RGL1: variants seen among roughly 807,000 people sequenced by gnomAD.
The protein encoded by RGL1 is ral guanine nucleotide dissociation stimulator-like 1.
A neutral mutation model predicts 95.2 loss-of-function variants in RGL1; 24 were observed. The observed-to-expected ratio is 0.25, with a 90% confidence interval of 0.18 to 0.35. The LOEUF is 0.35. RGL1 is among the 10% of genes least tolerant of loss of function. The probability of loss-of-function intolerance (pLI) is 1.00; values close to 1 mark genes in which losing one functional copy is unlikely to be tolerated. For missense variants in RGL1, 715 were observed against 936.3 expected (o/e 0.76, Z 3.08); for synonymous variants, 329 against 344.9 (o/e 0.95, Z 0.51).
chr1:183,730,704 C>T (rs1656580520), intron 1 of RGL1, among the ~76,000 whole-genome samples: 2 of 152,088 alleles, frequency 1.3e-5, no homozygotes, highest in South Asian at 4.1e-4. Context: ...ATCTAAACAA[C>T]TCTGGAGGTC....
intron 3 of RGL1, among the ~76,000 whole-genome samples, chr1:183,848,044 A>T (rs1464822545): frequency 6.6e-6 from 1 of 152,196 alleles, no homozygotes; most frequent in Non-Finnish European, 1.5e-5. Flanking sequence ...TGGATTTACT[A>T]TTTGCCACCC....
chr1:183,845,224 C>T (rs768240612), intron 2 of RGL1, among the ~76,000 whole-genome samples: 1 of 152,194 alleles, frequency 6.6e-6, no homozygotes, highest in Non-Finnish European at 1.5e-5. Flanking sequence ...GGCGATTGTT[C>T]GCATCACTTA....
intron 1 of RGL1, among the ~76,000 whole-genome samples, chr1:183,668,708 T>C (rs1652216358): frequency 6.6e-6 from 1 of 152,086 alleles, no homozygotes; most frequent in African/African-American, 2.4e-5. Flanking sequence ...TCTTGCTTGG[T>C]GTTCTCTGAG....
chr1:183,818,145 A>G (rs1196551359), intron 2 of RGL1, among the ~76,000 whole-genome samples: 1 of 152,208 alleles, frequency 6.6e-6, no homozygotes. Flanking sequence ...CTCTGATTTC[A>G]GTGCCCAACC....
At chr1:183,774,126 C>T (rs1558199383) in intron 2 of RGL1, among the ~76,000 whole-genome samples, 1 of 152,166 alleles carries the variant, frequency 6.6e-6, no homozygotes, top group East Asian at 1.9e-4. Context: ...CATATGAGGA[C>T]AAGTAATCCT....
At chr1:183,867,352 AAAG>A (rs57510850) in intron 4 of RGL1, among the ~76,000 whole-genome samples, 96,321 of 151,378 alleles carry the variant, frequency 0.64, 32,547 homozygotes, top group East Asian at 0.88. Flanking sequence ...GGAGGAGAAA[AAAG>A]AAGTTGTTGT....
At chr1:183,702,460 T>C (rs942294159) in intron 1 of RGL1, among the ~76,000 whole-genome samples, 2 of 152,260 alleles carry the variant, frequency 1.3e-5, no homozygotes, top group Admixed American at 6.5e-5. Flanking sequence ...TGCCATTTTA[T>C]ACCTAGTAGA....
chr1:183,875,512 C>G (rs1666440309), intron 4 of RGL1, among the ~76,000 whole-genome samples: 1 of 152,132 alleles, frequency 6.6e-6, no homozygotes, highest in South Asian at 2.1e-4. Flanking sequence ...TCTTTTATCT[C>G]TCAGCCAAGG....
At chr1:183,878,373 T>C (rs1666642006) in intron 4 of RGL1, among the ~76,000 whole-genome samples, 1 of 150,924 alleles carries the variant, frequency 6.6e-6, no homozygotes, top group African/African-American at 2.5e-5. Flanking sequence ...ATTTTCTGTA[T>C]TTTTTGTAGA....
chr1:183,793,942 G>C (rs1001022874), intron 2 of RGL1, among the ~76,000 whole-genome samples: 2 of 151,946 alleles, frequency 1.3e-5, no homozygotes, highest in African/African-American at 2.4e-5. Flanking sequence ...AAGGAAATTA[G>C]TATATCGAAG....
intron 2 of RGL1, among the ~76,000 whole-genome samples, chr1:183,760,801 C>T (rs1460241513): frequency 6.6e-6 from 1 of 152,118 alleles, no homozygotes; most frequent in African/African-American, 2.4e-5. Flanking sequence ...CCTGCTGCTA[C>T]TTTATCAACT....
intron 2 of RGL1, among the ~76,000 whole-genome samples, chr1:183,772,086 G>C (rs916486406): frequency 2.0e-5 from 3 of 152,192 alleles, no homozygotes; most frequent in Non-Finnish European, 2.9e-5. Flanking sequence ...CTCCCTTCTG[G>C]CTCCCCCATC....
intron 12 of RGL1, among the ~76,000 whole-genome samples, chr1:183,903,738 G>A (rs1572580261): frequency 1.3e-5 from 2 of 152,280 alleles, no homozygotes; most frequent in East Asian, 3.9e-4. Context: ...TCTCCAACTT[G>A]TAGGGCCAGA....
chr1:183,736,579 G>T (rs948555597), intron 1 of RGL1, among the ~76,000 whole-genome samples: 5 of 152,220 alleles, frequency 3.3e-5, no homozygotes, highest in Admixed American at 2.0e-4. Context: ...CTAGGTGGAA[G>T]AGTTGAAGAT....
intron 2 of RGL1, among the ~76,000 whole-genome samples, chr1:183,751,876 G>A (rs1040000985): frequency 7.2e-5 from 11 of 152,116 alleles, no homozygotes; most frequent in African/African-American, 2.2e-4. Context: ...TCCATGGGCT[G>A]TATTCACTGC....
chr1:183,906,994 C>T lies in RGL1; in HGVS notation c.1473-18C>T, dbSNP rs757460087. ...ATTCTCTAACTTTGACCTCATGGAG[C>T]CCCCTTCTCTTTCTCAGCTATGCCC... On this transcript the variant is annotated intron_variant, in intron 13 of 17. Coordinates refer to ENST00000360851, the MANE Select transcript of RGL1 (RefSeq NM_001297671.3). 4 of 1,467,782 alleles carry T rather than the reference C, an allele frequency of 2.7e-6. No homozygotes were observed. The highest frequency in any genetic ancestry group is 1.7e-5 in the Admixed American group (1 of 59,088). The allele number at this position is 1,467,782 out of a possible 1,614,324, so 90.9% of individuals were successfully genotyped here.
intron 2 of RGL1, among the ~76,000 whole-genome samples, chr1:183,794,212 T>G (rs542102883): frequency 6.6e-6 from 1 of 152,238 alleles, no homozygotes; most frequent in Non-Finnish European, 1.5e-5. Context: ...TTGCATGTTC[T>G]CACTCATGTG....
chr1:183,831,259 G>C (rs928130471), intron 2 of RGL1, among the ~76,000 whole-genome samples: 4 of 152,170 alleles, frequency 2.6e-5, no homozygotes. Flanking sequence ...TGCTCAGGCT[G>C]AGCAGCATTT....
At chr1:183,841,761 T>TTAC (rs1664076211) in intron 2 of RGL1, among the ~76,000 whole-genome samples, 1 of 152,146 alleles carries the variant, frequency 6.6e-6, no homozygotes, top group Non-Finnish European at 1.5e-5. Context: ...ATTTATGCAG[T>TTAC]TGAGTAATAT....
Sources: gnomAD v4.1 joint callset for allele counts (sites outside exome capture counted in the v4.1 genomes callset) on GRCh38, gnomAD v4.1.1 for gene constraint, MANE v1.5 for transcripts, NCBI Gene and HGNC (gene_info 2026-07-23, HGNC 2026-07-21) for gene names.